MLXIP: variants seen among roughly 807,000 people sequenced by gnomAD.
The protein encoded by MLXIP is MLX interacting protein, also known as MLX-interacting protein.
MLXIP carries 30 observed loss-of-function variants against 87.2 expected under a neutral mutation model. The observed-to-expected ratio is 0.34, with a 90% confidence interval of 0.26 to 0.47. The LOEUF (loss-of-function observed/expected upper bound fraction) is 0.47. MLXIP is among the 20% of genes least tolerant of loss of function. MLXIP has a pLI of 1.00. For synonymous variants in MLXIP, 530 were observed against 514.0 expected (o/e 1.03, Z -0.42); for missense variants, 1,002 against 1,240.1 (o/e 0.81, Z 2.88).
intron 4 of MLXIP, 146 bp from the exon 5 acceptor site, chr12:122,129,442 G>A (rs950774932): frequency 2.3e-5 from 23 of 1,015,786 alleles, no homozygotes; most frequent in Non-Finnish European, 3.0e-5. Flanking sequence ...TGTGCACTGG[G>A]TGGAAGTCTC....
chr12:122,128,202 C>A (rs1682294374), intron 3 of MLXIP: 1 of 490,872 alleles, frequency 2.0e-6, no homozygotes, highest in Admixed American at 3.4e-5. Context: ...GGGTTAATAT[C>A]TTTCTGTTAA....
chr12:122,140,999 G>A lies in MLXIP; in HGVS notation c.2554G>A (p.Val852Met). Residue 852 changes from valine to methionine, a missense_variant, in exon 16 of 17, where the codon GTG becomes ATG. Coordinates refer to ENST00000319080, the MANE Select transcript of MLXIP (RefSeq NM_014938.6). ...GCTGTTTGAGTCGTTCAAGGGCATG[G>A]TGTCCACCAGCAGCCTGGAGGAGCT... ...KPLFESFKGM[V>M]STSSLEELHR... is the part of the protein sequence containing the mutation. The A allele has an allele frequency of 2.5e-6, 4 of 1,614,016 alleles. No individual in the cohort carries two copies.
chr12:122,141,129 A>C (rs747437123), intron 16 of MLXIP, 46 bp downstream of exon 16: 1 of 1,572,448 alleles, frequency 6.4e-7, no homozygotes, highest in African/African-American at 1.3e-5. Flanking sequence ...CTAGTCCTGG[A>C]GGGAGGACAG....
intron 1 of MLXIP, among the ~76,000 whole-genome samples, chr12:122,080,730 A>G (rs1164230728): frequency 1.3e-5 from 2 of 152,110 alleles, no homozygotes; most frequent in East Asian, 1.9e-4. Context: ...TAAAAAACAA[A>G]TGGTGTTGAG....
Position 122,078,861 on chromosome 12 carries a change from C to T in MLXIP, c.8C>T (p.Ala3Val). 1 of 1,095,100 alleles carries T rather than the reference C, an allele frequency of 9.1e-7. No homozygotes were observed. The highest frequency in any genetic ancestry group is 1.1e-6 in the Non-Finnish European group (1 of 899,046). 67.8% of individuals were successfully genotyped at this position (1,095,100 alleles called of 1,614,324 possible). MA[A>V]DVFMCSPRRP... is the part of the protein sequence containing the mutation. Reference sequence around the variant, plus strand: ...CCCGGCCGAGCCCTTCTCATGGCCGCCGACGTCTTCATGTGCTCCCCGCGC... The same window carrying T: ...CCCGGCCGAGCCCTTCTCATGGCCGTCGACGTCTTCATGTGCTCCCCGCGC... Residue 3 changes from alanine (A) to valine (V), a missense_variant, in exon 1 of 17, where the codon GCC becomes GTC. Ala to Val is a moderately conservative substitution (Grantham distance 64, BLOSUM62 0). Transcript: ENST00000319080.
At chr12:122,100,210 A>G (rs960257371) in intron 1 of MLXIP, among the ~76,000 whole-genome samples, 17 of 152,200 alleles carry the variant, frequency 1.1e-4, no homozygotes, top group African/African-American at 4.1e-4. Flanking sequence ...GTACCATTTG[A>G]GGAGCACAGA....
rs35967072 is a variant in MLXIP at position 122,121,307 on chromosome 12, C to CTTTT, written c.414-5931_414-5928dup. Among the ~76,000 whole-genome samples, 4 of 118,226 alleles carry CTTTT rather than the reference C, an allele frequency of 3.4e-5. 1 individual carries two copies. The highest frequency in any genetic ancestry group is 1.0e-4 in the African/African-American group (3 of 29,812). The allele number at this position is 118,226 out of a possible 152,430, so 77.6% of individuals were successfully genotyped here. On this transcript the variant is annotated intron_variant, in intron 1 of 16. Transcript: ENST00000319080. ...CCAGGCGCGAGCCACTGTGCCCAGC[C>CTTTT]TTTTTTTTTTTTTTTTTTTTTAAAT...
chr12:122,114,839 G>A (rs896847899), intron 1 of MLXIP, among the ~76,000 whole-genome samples: 4 of 148,356 alleles, frequency 2.7e-5, no homozygotes, highest in Admixed American at 6.9e-5. Context: ...CCCACCTCCC[G>A]GGTTCAAGCG....
intron 1 of MLXIP, among the ~76,000 whole-genome samples, chr12:122,087,117 G>T (rs1952180179): frequency 6.6e-6 from 1 of 152,168 alleles, no homozygotes; most frequent in African/African-American, 2.4e-5. Flanking sequence ...AATTGAGAGG[G>T]AGCCTGGCTG....
intron 1 of MLXIP, among the ~76,000 whole-genome samples, chr12:122,111,015 T>C (rs1302518542): frequency 6.8e-6 from 1 of 147,588 alleles, no homozygotes; most frequent in Admixed American, 6.9e-5. Context: ...AGGCGGAGCT[T>C]GCAGTGAGCC....
intron 1 of MLXIP, among the ~76,000 whole-genome samples, chr12:122,125,107 C>A (rs975918054): frequency 6.6e-6 from 1 of 152,102 alleles, no homozygotes; most frequent in African/African-American, 2.4e-5. Context: ...CAGAGGTTGC[C>A]GTGAGCTGAG....
intron 1 of MLXIP, among the ~76,000 whole-genome samples, chr12:122,106,409 G>C (rs185369206): frequency 6.6e-6 from 1 of 152,174 alleles, no homozygotes; most frequent in African/African-American, 2.4e-5. Flanking sequence ...GCATTAGCTC[G>C]TGAGGTCCTG....
At position 122,144,742 on chromosome 12, in the gene MLXIP, C is replaced by T. The variant is rs2136002302; in HGVS notation, c.*2930C>T. On this transcript the variant is annotated 3_prime_UTR_variant, in exon 17 of 17. Coordinates refer to ENST00000319080, the MANE Select transcript of MLXIP (RefSeq NM_014938.6). ...CTATACTAAAAATACAAAACATTAG[C>T]CACGTGTGGTGGTACACGCCTGTAA... 1 of 152,258 alleles carries T rather than the reference C, an allele frequency of 6.6e-6. No homozygotes were observed. Among genetic ancestry groups the T allele is most frequent in the Non-Finnish European group, 1.5e-5 (1 of 68,046 alleles). 9.4% of individuals were successfully genotyped at this position (152,258 alleles called of 1,614,324 possible). A position where few individuals can be genotyped will look rare whatever the true frequency, so the allele number is the denominator to read the frequency against.
rs755422123 is a variant in MLXIP, at chr12:122,135,255, C to T, written c.1764C>T (p.Ile588=). ...TTTCAGGCCAACCACAAGCGGTGATCATGACGTCAGGGCCTCTGAAGAGAG... is the reference window on the plus strand; with the variant it reads ...TTTCAGGCCAACCACAAGCGGTGATTATGACGTCAGGGCCTCTGAAGAGAG... ...AAFSGQPQAV[I]MTSGPLKREG... is the part of the protein sequence containing the mutation. Residue 588 remains isoleucine, a synonymous_variant, in exon 10 of 17, where the codon ATC becomes ATT. Transcript: ENST00000319080. This position sits in a 1 kb window ranked among gnomAD's most constrained non-coding sequence, Gnocchi z 5.3. The T allele has an allele frequency of 6.2e-7, 1 of 1,613,602 alleles. No individual in the cohort carries two copies.
chr12:122,124,788 T>C (rs961781022), intron 1 of MLXIP, among the ~76,000 whole-genome samples: 3 of 152,046 alleles, frequency 2.0e-5, no homozygotes, highest in African/African-American at 7.2e-5. Flanking sequence ...CCTACCACTT[T>C]TGGAGGCCGA....
intron 1 of MLXIP, among the ~76,000 whole-genome samples, chr12:122,094,044 T>G (rs1346232475): frequency 2.1e-5 from 3 of 142,334 alleles, no homozygotes; most frequent in Admixed American, 7.1e-5. Flanking sequence ...GCTATCTGTG[T>G]GGTGTGTGTG....
chr12:122,106,116 T>C (rs1173159391), intron 1 of MLXIP, among the ~76,000 whole-genome samples: 1 of 152,294 alleles, frequency 6.6e-6, no homozygotes, highest in East Asian at 1.9e-4. Context: ...TCTCAACTTA[T>C]CCTCTGTCTT....
Position 122,138,265 on chromosome 12 carries a change from C to G in MLXIP, c.2226C>G (p.Leu742=). The change falls in exon 13 of 17, where the codon CTC becomes CTG. Residue 742 remains leucine, a synonymous_variant. Coordinates refer to ENST00000319080, the MANE Select transcript of MLXIP (RefSeq NM_014938.6). ...RFNIKMCFDM[L]NSLISNNSKL... ...ACATCAAGATGTGCTTCGACATGCTCAACAGCCTCATCTCCAACAATTCCA... is the reference window on the plus strand; with the variant it reads ...ACATCAAGATGTGCTTCGACATGCTGAACAGCCTCATCTCCAACAATTCCA... The G allele has an allele frequency of 1.9e-6, 3 of 1,613,622 alleles. No individual in the cohort carries two copies. The highest frequency in any genetic ancestry group is 2.5e-6 in the Non-Finnish European group (3 of 1,179,758).
chr12:122,105,524 A>T (rs1429103471), intron 1 of MLXIP, among the ~76,000 whole-genome samples: 1 of 151,622 alleles, frequency 6.6e-6, no homozygotes, highest in Non-Finnish European at 1.5e-5. Context: ...TTTAGTGGAG[A>T]TGGGGTTTCT....
Sources: allele counts gnomAD v4.1 joint callset (sites outside exome capture counted in the v4.1 genomes callset), GRCh38; gene constraint gnomAD v4.1.1; non-coding constraint Gnocchi (gnomAD v3.1); transcripts MANE v1.5; gene names NCBI Gene and HGNC (gene_info 2026-07-23, HGNC 2026-07-21).